RAB31: variants seen among roughly 807,000 people sequenced by gnomAD.
The protein encoded by RAB31 is RAB31, member RAS oncogene family.
Under a neutral mutation model 25.6 loss-of-function variants are expected in RAB31, and 21 were observed. The observed-to-expected ratio is 0.82, with a 90% CI of 0.58 to 1.18. RAB31 has a LOEUF of 1.18. RAB31 is among the 50% of genes most tolerant of loss of function. RAB31 has a pLI of 0.00. For synonymous variants in RAB31, 87 were observed against 84.0 expected, an observed-to-expected ratio of 1.04 and a Z score of -0.20; for missense variants, 196 against 250.1, an observed-to-expected ratio of 0.78 and a Z score of 1.46.
intron 1 of RAB31, among the ~76,000 whole-genome samples, chr18:9,742,201 G>T (rs1309303635): frequency 6.6e-6 from 1 of 152,198 alleles, no homozygotes; most frequent in Non-Finnish European, 1.5e-5. Flanking sequence ...CTTGGTGAGG[G>T]TTGGGTAAGA....
rs567625202 is a variant in RAB31, at chr18:9,755,586, G to C, written c.40-19692G>C. On this transcript the variant is annotated intron_variant, in intron 1 of 6. Coordinates refer to ENST00000578921, the MANE Select transcript of RAB31 (RefSeq NM_006868.4). ...TCTGCAGTCACTTGCCCTCCTCTTT[G>C]AGCTTCAGCTCTTCTTGGGCTGGGG... Among the ~76,000 whole-genome samples the C allele has an allele frequency of 5.7e-4, 86 of 152,202 alleles. 1 individual carries two copies. The highest frequency in any genetic ancestry group is 1.2e-4 in the Non-Finnish European group (8 of 68,042).
At chr18:9,843,290 A>G (rs895278002) in intron 5 of RAB31, among the ~76,000 whole-genome samples, 3 of 152,164 alleles carry the variant, frequency 2.0e-5, no homozygotes, top group African/African-American at 7.2e-5. Flanking sequence ...CAAGCCTGTA[A>G]TCCCAGCACT....
At chr18:9,835,091 A>G (rs1283347005) in intron 5 of RAB31, among the ~76,000 whole-genome samples, 1 of 152,192 alleles carries the variant, frequency 6.6e-6, no homozygotes, top group Non-Finnish European at 1.5e-5. Flanking sequence ...TATCTTATCA[A>G]CAAGGAAACC....
intron 1 of RAB31, among the ~76,000 whole-genome samples, chr18:9,740,286 T>C (rs773794842): frequency 6.6e-6 from 1 of 152,268 alleles, no homozygotes; most frequent in Admixed American, 6.5e-5. Flanking sequence ...GGATGAATCA[T>C]AGAAATCATC....
At position 9,795,770 on chromosome 18, in the gene RAB31, T is replaced by G. The variant is rs191023338; in HGVS notation, c.201+3535T>G. ...GTGGATGTGGTGAAAAGGGAACAGT[T>G]TTACACTCTTGATGGGATTGTAAAC... On this transcript the variant is annotated intron_variant, in intron 3 of 6. Coordinates refer to ENST00000578921, the MANE Select transcript of RAB31 (RefSeq NM_006868.4). 5.8e-4 allele frequency among the ~76,000 whole-genome samples: 89 copies of G among 152,296 alleles called. 1 individual carries two copies. Among genetic ancestry groups the G allele is most frequent in the African/African-American group, 1.9e-3 (77 of 41,572 alleles).
chr18:9,724,735 G>A (rs1400259782), intron 1 of RAB31, among the ~76,000 whole-genome samples: 2 of 152,184 alleles, frequency 1.3e-5, no homozygotes, highest in African/African-American at 4.8e-5. Flanking sequence ...AGATGAGCTT[G>A]TAATTGTTCT....
At chr18:9,775,981 G>A (rs1046796433) in intron 2 of RAB31, among the ~76,000 whole-genome samples, 1 of 151,980 alleles carries the variant, frequency 6.6e-6, no homozygotes, top group Non-Finnish European at 1.5e-5. Flanking sequence ...GTAGAGATGG[G>A]GTTTCACCAT....
intron 5 of RAB31, 82 bp downstream of exon 5, chr18:9,815,304 C>G: frequency 1.5e-6 from 1 of 674,912 alleles, no homozygotes; most frequent in South Asian, 1.8e-5. Context: ...TCCTCCATCC[C>G]TGAGTGTCAT....
chr18:9,779,429 T>C (rs997625568), intron 2 of RAB31, among the ~76,000 whole-genome samples: 2 of 152,166 alleles, frequency 1.3e-5, no homozygotes, highest in African/African-American at 4.8e-5. Flanking sequence ...AAGCTAAAAA[T>C]GAAAACGTAT....
chr18:9,833,616 T>A (rs1034492499), intron 5 of RAB31, among the ~76,000 whole-genome samples: 1 of 152,200 alleles, frequency 6.6e-6, no homozygotes, highest in African/African-American at 2.4e-5. Context: ...ATTTTTCAGA[T>A]AAAGATTGTT....
At chr18:9,722,458 G>A (rs541345861) in intron 1 of RAB31, among the ~76,000 whole-genome samples, 11 of 152,258 alleles carry the variant, frequency 7.2e-5, no homozygotes, top group Admixed American at 3.9e-4. Flanking sequence ...TGCGTACCTC[G>A]GAATCCAGCC....
At chr18:9,820,649 C>T (rs935935396) in intron 5 of RAB31, among the ~76,000 whole-genome samples, 1 of 152,008 alleles carries the variant, frequency 6.6e-6, no homozygotes. Flanking sequence ...ATCTAATTTG[C>T]TGTGTAGTTC....
intron 1 of RAB31, among the ~76,000 whole-genome samples, chr18:9,711,707 G>T (rs2068018265): frequency 6.6e-6 from 1 of 152,196 alleles, no homozygotes; most frequent in Non-Finnish European, 1.5e-5. Flanking sequence ...TTAGCCATGA[G>T]ACACCTCCCT....
intron 1 of RAB31, among the ~76,000 whole-genome samples, chr18:9,764,072 ATT>A (rs1244686398): frequency 1.3e-5 from 2 of 152,328 alleles, no homozygotes; most frequent in East Asian, 3.9e-4. Flanking sequence ...GGAAATAATC[ATT>A]CTTTATTTAC....
At chr18:9,710,214 T>C (rs1316473662) in intron 1 of RAB31, among the ~76,000 whole-genome samples, 1 of 152,196 alleles carries the variant, frequency 6.6e-6, no homozygotes, top group Non-Finnish European at 1.5e-5. Context: ...CAAAGAGCTG[T>C]GTCGTTTTAG....
intron 6 of RAB31, among the ~76,000 whole-genome samples, chr18:9,845,923 A>T (rs1792072706): frequency 6.6e-6 from 1 of 152,266 alleles, no homozygotes; most frequent in Non-Finnish European, 1.5e-5. Context: ...TCTGTAAATT[A>T]AAATGAAGTA....
At chr18:9,772,391 G>A (rs892613521) in intron 1 of RAB31, among the ~76,000 whole-genome samples, 1 of 152,210 alleles carries the variant, frequency 6.6e-6, no homozygotes, top group East Asian at 1.9e-4. Context: ...GCAAATCGAG[G>A]AGTTGTCTCC....
chr18:9,824,828 T>C (rs2068642248), intron 5 of RAB31, among the ~76,000 whole-genome samples: 1 of 152,168 alleles, frequency 6.6e-6, no homozygotes, highest in South Asian at 2.1e-4. Flanking sequence ...CTAAACAAAA[T>C]CTCCCCTGCT....
chr18:9,787,886 C>A (rs181882672), intron 2 of RAB31: 1 of 152,152 alleles, frequency 6.6e-6, no homozygotes, highest in African/African-American at 2.4e-5. Context: ...GCCCAAAGAT[C>A]GAAACTGTAG....
Sources: allele counts gnomAD v4.1 joint callset (sites outside exome capture counted in the v4.1 genomes callset), GRCh38; gene constraint gnomAD v4.1.1; transcripts MANE v1.5; gene names NCBI Gene and HGNC (gene_info 2026-07-23, HGNC 2026-07-21).